The following STK32B variants were observed in gnomAD, a reference collection of about 807,000 sequenced individuals.
STK32B encodes the protein serine/threonine kinase 32B.
Under a neutral mutation model 52.6 loss-of-function variants are expected in STK32B, and 43 were observed. That is an observed-to-expected ratio of 0.82 (90% confidence interval 0.64 to 1.05). The LOEUF (loss-of-function observed/expected upper bound fraction) is 1.05. Among genes scored for constraint, STK32B ranks in the 50% least tolerant of loss-of-function variants. The pLI, the probability that STK32B is intolerant of heterozygous loss-of-function variation, is 0.00. For synonymous variants in STK32B, 238 were observed against 204.3 expected (o/e 1.17, Z -1.41); for missense variants, 621 against 534.6 (o/e 1.16, Z -1.59).
chr4:5,319,958 C>G (rs1226468745), intron 3 of STK32B, among the ~76,000 whole-genome samples: 1 of 152,106 alleles, frequency 6.6e-6, no homozygotes, highest in South Asian at 2.1e-4. Flanking sequence ...ACTGAGAAAC[C>G]TAAATCATGC....
chr4:5,178,444 C>T (rs1720095592), intron 3 of STK32B, among the ~76,000 whole-genome samples: 1 of 152,198 alleles, frequency 6.6e-6, no homozygotes, highest in Admixed American at 6.5e-5. Flanking sequence ...GTGAAGGTCT[C>T]TGACATGTCC....
chr4:5,465,745 G>A (rs1453900949), intron 9 of STK32B, among the ~76,000 whole-genome samples: 1 of 152,184 alleles, frequency 6.6e-6, no homozygotes, highest in African/African-American at 2.4e-5. Context: ...AGGACACAGG[G>A]CCCAGTGGCA....
intron 8 of STK32B, among the ~76,000 whole-genome samples, chr4:5,457,938 G>GGGAA (rs3078908): frequency 0.02 from 2,787 of 138,006 alleles, 82 homozygotes; most frequent in African/African-American, 0.064. Flanking sequence ...GAGGGAGGGA[G>GGGAA]GGAAGGAAGG....
intron 4 of STK32B, among the ~76,000 whole-genome samples, chr4:5,361,010 T>C (rs565429134): frequency 1.2e-3 from 184 of 152,202 alleles, no homozygotes; most frequent in Non-Finnish European, 2.0e-3. Context: ...GTAACTGCCA[T>C]TCTACTCTGT....
intron 1 of STK32B, among the ~76,000 whole-genome samples, chr4:5,102,877 C>CTTT (rs1713893673): frequency 1.1e-5 from 1 of 93,498 alleles, no homozygotes; most frequent in Non-Finnish European, 2.2e-5. Flanking sequence ...CTCCCTCCCT[C>CTTT]CCTTCTTTCC....
chr4:5,105,051 G>C (rs1436425815), intron 1 of STK32B, among the ~76,000 whole-genome samples: 1 of 152,152 alleles, frequency 6.6e-6, no homozygotes, highest in East Asian at 1.9e-4. Flanking sequence ...CACTTGCGAC[G>C]TAAGAGGGAT....
rs1381470583 is a variant in STK32B at position 5,371,042 on chromosome 4, A to ATGTATATGTG, written c.435-27162_435-27161insATATGTGTGT. The stretch of plus-strand genomic sequence containing the variant: ...TATATGTGTATATATATGTATATAT[A>ATGTATATGTG]TGTGTGTGTGTGTGTATATATTCTA... On this transcript the variant is annotated intron_variant, in intron 4 of 11. Coordinates refer to ENST00000282908, the MANE Select transcript of STK32B (RefSeq NM_018401.3). 6.1e-3 allele frequency among the ~76,000 whole-genome samples: 915 copies of ATGTATATGTG among 149,018 alleles called. 9 individuals are homozygous for ATGTATATGTG. The highest frequency in any genetic ancestry group is 0.031 in the South Asian group (145 of 4,670).
intron 2 of STK32B, among the ~76,000 whole-genome samples, chr4:5,163,715 A>G (rs867523057): frequency 2.0e-5 from 3 of 152,326 alleles, no homozygotes; most frequent in South Asian, 4.1e-4. Flanking sequence ...TCACCAGGCA[A>G]AAGGATATCT....
intron 1 of STK32B, among the ~76,000 whole-genome samples, chr4:5,122,369 TTCACTCATTCATTCAC>T (rs781328787): frequency 3.4e-4 from 16 of 47,584 alleles, no homozygotes; most frequent in East Asian, 1.7e-3. Flanking sequence ...TGTTCACTCA[TTCACTCATTCATTCAC>T]TCACTCATTC....
chr4:5,281,190 C>A (rs1408176445), intron 3 of STK32B, among the ~76,000 whole-genome samples: 1 of 152,096 alleles, frequency 6.6e-6, no homozygotes, highest in African/African-American at 2.4e-5. Context: ...GGAAATCTGT[C>A]CCCATGATCT....
chr4:5,149,115 T>C (rs1717145562), intron 2 of STK32B, among the ~76,000 whole-genome samples: 1 of 151,924 alleles, frequency 6.6e-6, no homozygotes, highest in Admixed American at 6.6e-5. Context: ...TGTTACTTTT[T>C]AAAATGTTTG....
chr4:5,256,140 A>T (rs1726277594), intron 3 of STK32B, among the ~76,000 whole-genome samples: 2 of 152,122 alleles, frequency 1.3e-5, no homozygotes, highest in Admixed American at 6.5e-5. Flanking sequence ...TCCATGTTAG[A>T]GATGCAGATA....
chr4:5,353,817 T>A (rs533048348), intron 4 of STK32B, among the ~76,000 whole-genome samples: 22 of 152,300 alleles, frequency 1.4e-4, no homozygotes, highest in Non-Finnish European at 2.6e-4. Flanking sequence ...ACAACTACCA[T>A]GGAAAACAGT....
In STK32B at chr4:5,144,107, G is replaced by T. The variant is rs78723477; in HGVS notation, c.108+4147G>T. Among the ~76,000 whole-genome samples, 592 of 152,164 alleles carry T rather than the reference G, an allele frequency of 3.9e-3. 2 individuals are homozygous for T. The highest frequency in any genetic ancestry group is 6.1e-3 in the Non-Finnish European group (415 of 68,002). Reference sequence around the variant, plus strand: ...ATTGGGCGGACACAAATTTCCCTTGGGATAGTTACCACCACTGGGAATTCA... The same window carrying T: ...ATTGGGCGGACACAAATTTCCCTTGTGATAGTTACCACCACTGGGAATTCA... On this transcript the variant is annotated intron_variant, in intron 2 of 11. Transcript: ENST00000282908.
intron 3 of STK32B, among the ~76,000 whole-genome samples, chr4:5,241,867 G>T (rs1385408068): frequency 6.6e-6 from 1 of 152,152 alleles, no homozygotes; most frequent in Middle Eastern, 3.4e-3. Flanking sequence ...GAGAATGACG[G>T]TTTCCAGCTT....
intron 8 of STK32B, among the ~76,000 whole-genome samples, chr4:5,457,382 A>AT (rs1175462084): frequency 6.6e-6 from 1 of 150,764 alleles, no homozygotes; most frequent in East Asian, 2.0e-4. Context: ...CGCCCGGCTA[A>AT]TTTTTTGTAT....
the STK32B span, among the ~76,000 whole-genome samples, chr4:5,030,917 GGA>G: frequency 2.6e-5 from 4 of 151,694 alleles, no homozygotes; most frequent in Non-Finnish European, 4.4e-5. Context: ...ACATATACAT[GGA>G]GAGAGAGAGA....
intron 3 of STK32B, among the ~76,000 whole-genome samples, chr4:5,326,721 G>A (rs1406753320): frequency 1.3e-5 from 2 of 152,090 alleles, no homozygotes; most frequent in African/African-American, 4.8e-5. Context: ...GCAGGTGGAG[G>A]GTCTTTCCTC....
At chr4:5,246,427 C>G (rs1007802911) in intron 3 of STK32B, among the ~76,000 whole-genome samples, 1 of 152,196 alleles carries the variant, frequency 6.6e-6, no homozygotes, top group East Asian at 1.9e-4. Flanking sequence ...GCTCCATCAG[C>G]TACTTTAAGG....
Sources: allele counts gnomAD v4.1 joint callset (sites outside exome capture counted in the v4.1 genomes callset), GRCh38; gene constraint gnomAD v4.1.1; transcripts MANE v1.5; gene names NCBI Gene and HGNC (gene_info 2026-07-23, HGNC 2026-07-21).